The following NPAS3 variants were observed in gnomAD, a reference collection of about 807,000 sequenced individuals.
The protein encoded by NPAS3 is neuronal PAS domain protein 3.
A neutral mutation model predicts 73.1 loss-of-function variants in NPAS3; 14 were observed. That is an observed-to-expected ratio of 0.19 (90% CI 0.13 to 0.30). The LOEUF is 0.30. Ranked by LOEUF, NPAS3 falls within the 10% of genes least tolerant of loss-of-function variation. NPAS3 has a pLI of 1.00. For missense variants in NPAS3, 1,096 were observed against 1,250.0 expected, an observed-to-expected ratio of 0.88 and a Z score of 1.86; for synonymous variants, 620 against 541.5, an observed-to-expected ratio of 1.14 and a Z score of -2.01.
intron 3 of NPAS3, among the ~76,000 whole-genome samples, chr14:33,226,348 ATTAG>A (rs1336193424): frequency 3.3e-5 from 5 of 152,198 alleles, no homozygotes. Flanking sequence ...CACATAATTT[ATTAG>A]TTGTCTTCCT....
At chr14:33,090,021 C>T (rs1446003949) in intron 2 of NPAS3, among the ~76,000 whole-genome samples, 1 of 152,178 alleles carries the variant, frequency 6.6e-6, no homozygotes, top group Non-Finnish European at 1.5e-5. Flanking sequence ...AAAGGAACAA[C>T]CACTACTAAC....
chr14:33,683,214 A>G (rs10150508), intron 6 of NPAS3, among the ~76,000 whole-genome samples: 7,165 of 152,164 alleles, frequency 0.047, 561 homozygotes, highest in African/African-American at 0.16. Flanking sequence ...AGGTTCTCTC[A>G]GTTTATATGC....
intron 9 of NPAS3, among the ~76,000 whole-genome samples, chr14:33,783,701 A>G (rs2063054072): frequency 6.6e-6 from 1 of 152,130 alleles, no homozygotes; most frequent in Non-Finnish European, 1.5e-5. Context: ...GTTGAGCTCC[A>G]GCGGCGCATC....
chr14:33,326,560 G>T (rs2043717254), intron 3 of NPAS3, among the ~76,000 whole-genome samples: 1 of 152,144 alleles, frequency 6.6e-6, no homozygotes, highest in Admixed American at 6.5e-5. Context: ...ACAATAAAAT[G>T]GATTATTATA....
intron 2 of NPAS3, among the ~76,000 whole-genome samples, chr14:33,194,186 T>G (rs1360874299): frequency 6.6e-6 from 1 of 152,246 alleles, no homozygotes; most frequent in Non-Finnish European, 1.5e-5. Context: ...TGGAACTATT[T>G]CCTGTAAGTT....
chr14:33,471,072 A>T (rs902121305), intron 4 of NPAS3, among the ~76,000 whole-genome samples: 5 of 152,150 alleles, frequency 3.3e-5, no homozygotes, highest in African/African-American at 4.8e-5. Context: ...AGTCTCTTTC[A>T]CGAGAGCTCT....
intron 1 of NPAS3, among the ~76,000 whole-genome samples, chr14:33,049,546 A>G (rs569992726): frequency 5.9e-5 from 9 of 152,308 alleles, no homozygotes; most frequent in African/African-American, 2.2e-4. Flanking sequence ...TTTTAAAACC[A>G]TGAGATCTTG....
intron 8 of NPAS3, among the ~76,000 whole-genome samples, chr14:33,776,521 TAAAAAAAAA>T (rs552348267): frequency 0.014 from 436 of 31,846 alleles, 10 homozygotes; most frequent in African/African-American, 0.036. Context: ...TTCTTCCTCT[TAAAAAAAAA>T]AAAAAAAAAA....
chr14:33,015,148 A>G (rs1238536710), intron 1 of NPAS3, among the ~76,000 whole-genome samples: 1 of 152,184 alleles, frequency 6.6e-6, no homozygotes, highest in Non-Finnish European at 1.5e-5. Context: ...TCTGCTGATC[A>G]ATGTATTTAG....
intron 6 of NPAS3, among the ~76,000 whole-genome samples, chr14:33,676,927 T>G (rs1247393323): frequency 6.6e-6 from 1 of 152,186 alleles, no homozygotes; most frequent in East Asian, 1.9e-4. Context: ...AGTATTTAAT[T>G]AGATCAATTG....
chr14:33,452,400 A>G (rs1594935281), intron 4 of NPAS3, among the ~76,000 whole-genome samples: 1 of 152,324 alleles, frequency 6.6e-6, no homozygotes, highest in Non-Finnish European at 1.5e-5. Flanking sequence ...TTTCTAGTTT[A>G]ATTTGAAAGG....
chr14:33,138,321 A>G (rs1344159174), intron 2 of NPAS3, among the ~76,000 whole-genome samples: 1 of 151,780 alleles, frequency 6.6e-6, no homozygotes, highest in Non-Finnish European at 1.5e-5. Context: ...TAAGACTGAC[A>G]CATTTAAATC....
At chr14:33,536,828 T>C (rs1566981536) in intron 4 of NPAS3, among the ~76,000 whole-genome samples, 2 of 152,180 alleles carry the variant, frequency 1.3e-5, no homozygotes, top group African/African-American at 2.4e-5. Flanking sequence ...CAATTCCAAC[T>C]AAAACATAGG....
At chr14:33,486,267 G>A (rs2051591556) in intron 4 of NPAS3, among the ~76,000 whole-genome samples, 1 of 151,768 alleles carries the variant, frequency 6.6e-6, no homozygotes, top group Admixed American at 6.6e-5. Flanking sequence ...TTTTCCACCT[G>A]TCCCCAAATT....
chr14:33,138,626 T>A (rs966453783), intron 2 of NPAS3, among the ~76,000 whole-genome samples: 1 of 152,146 alleles, frequency 6.6e-6, no homozygotes, highest in African/African-American at 2.4e-5. Flanking sequence ...AATAGAGTCT[T>A]CCAACAATTT....
intron 4 of NPAS3, among the ~76,000 whole-genome samples, chr14:33,423,936 A>T (rs1335102722): frequency 2.0e-5 from 3 of 152,038 alleles, no homozygotes; most frequent in African/African-American, 7.2e-5. Context: ...TCAAAAATTG[A>T]ATATTTAATA....
chr14:33,488,007 A>G (rs1457540996), intron 4 of NPAS3, among the ~76,000 whole-genome samples: 1 of 152,164 alleles, frequency 6.6e-6, no homozygotes. Flanking sequence ...CATTCACTGT[A>G]TATGAGGCCC....
At chr14:33,284,304 G>T (rs2140077691) in intron 3 of NPAS3, among the ~76,000 whole-genome samples, 1 of 151,076 alleles carries the variant, frequency 6.6e-6, no homozygotes, top group South Asian at 2.1e-4. Flanking sequence ...AAGAGCTATT[G>T]TTTCTTCATA....
At chr14:33,706,983 C>G (rs907764735) in intron 6 of NPAS3, among the ~76,000 whole-genome samples, 20 of 152,206 alleles carry the variant, frequency 1.3e-4, no homozygotes, top group African/African-American at 4.3e-4. Flanking sequence ...AATGAAATAG[C>G]TCCATTTAAA....
Sources: gnomAD v4.1 joint callset for allele counts (sites outside exome capture counted in the v4.1 genomes callset) on GRCh38, gnomAD v4.1.1 for gene constraint, MANE v1.5 for transcripts, NCBI Gene and HGNC (gene_info 2026-07-23, HGNC 2026-07-21) for gene names.